ZNF142: variants seen among roughly 807,000 people sequenced by gnomAD.
The protein encoded by ZNF142 is zinc finger protein 142.
A neutral mutation model predicts 132.1 loss-of-function variants in ZNF142; 96 were observed. The ratio of observed to expected loss-of-function variants is 0.73; its 90% confidence interval spans 0.62 to 0.86. ZNF142 has a LOEUF of 0.86. ZNF142 is among the 40% of genes least tolerant of loss of function. The pLI is 0.00. For missense variants in ZNF142, 2,163 were observed against 2,336.2 expected (o/e 0.93, Z 1.53); for synonymous variants, 842 against 890.1 (o/e 0.95, Z 0.96).
Position 218,646,346 on chromosome 2 carries a change from C to T in ZNF142, c.1876G>A (p.Glu626Lys). The change falls in exon 8 of 11, where the codon GAG (glutamate) becomes AAG (lysine). Residue 626 changes from glutamate (E) to lysine (K), a missense_variant and splice_region_variant. Physicochemically the swap from Glu to Lys is moderately conservative, Grantham distance 56 (BLOSUM62 1). Around this residue, in one of 7 missense-constraint regions of ZNF142, gnomAD observed 749 missense variants for 830.3 expected, o/e 0.90. Coordinates refer to ENST00000411696, the MANE Select transcript of ZNF142 (RefSeq NM_001379659.1). ...LIRHMLLHTGEKPHKCELCDF... is the reference protein window; with the variant it reads ...LIRHMLLHTGKKPHKCELCDF... ...CACAGCTCACACTTGTGGGGCTTCT[C>T]ACCTTATATGGGGGATGCGGATGAA... is the stretch of plus-strand genomic sequence containing the variant. 1.2e-6 allele frequency: 2 copies of T among 1,614,056 alleles called. No homozygotes were observed. The highest frequency in any genetic ancestry group is 1.7e-6 in the Non-Finnish European group (2 of 1,179,968).
chr2:218,656,256 G>C lies in ZNF142; in HGVS notation c.174C>G (p.Cys58Trp), dbSNP rs778196863. The C allele has an allele frequency of 6.2e-7, 1 of 1,613,594 alleles. No individual in the cohort carries two copies. The highest frequency in any genetic ancestry group is 1.7e-5 in the Admixed American group (1 of 59,966). ...CAGTTGCTGTGGCCTCTACCAGCAG[G>C]CAGCCTGGCTCAGTAGGTATAGGTG... ...DPAPIPTEPG[C>W]LLVEATATEE... Residue 58 changes from cysteine to tryptophan, a missense_variant, in exon 4 of 11, where the codon TGC (cysteine) becomes TGG (tryptophan). By Grantham distance (215) the Cys-to-Trp change is radical. Around this residue, in one of 7 missense-constraint regions of ZNF142, gnomAD observed 195 missense variants for 172.4 expected, o/e 1.13. Transcript: ENST00000411696.
Position 218,645,068 on chromosome 2 carries a change from G to T in ZNF142, c.2052-4C>A, listed in dbSNP as rs1413025159. Reference sequence around the variant, plus strand: ...GGAGCACTGGTTGCACTGATACCTGGCAAGGAGGGAAAGGGGGAGGCAATC... The same window carrying T: ...GGAGCACTGGTTGCACTGATACCTGTCAAGGAGGGAAAGGGGGAGGCAATC... On this transcript the variant is annotated splice_region_variant and splice_polypyrimidine_tract_variant and intron_variant, in intron 8 of 10. Transcript: ENST00000411696. The T allele has an allele frequency of 3.1e-6, 5 of 1,603,796 alleles. No individual in the cohort carries two copies. Among genetic ancestry groups the T allele is most frequent in the Non-Finnish European group, 4.3e-6 (5 of 1,172,492 alleles).
rs1303033212 is a variant in ZNF142, at chr2:218,649,197, G to A, written c.1311C>T (p.His437=). The stretch of plus-strand genomic sequence containing the variant: ...AAATATCTTCATGCATGCTGGCCAT[G>A]TGGCGGTTGAGTGCATTCCTCTCCA... ...SAVERNALNR[H]MASMHEDISN... The change falls in exon 7 of 11, where the codon CAC becomes CAT. Residue 437 remains histidine (H), a synonymous_variant. Transcript: ENST00000411696. 5 of 1,614,128 alleles carry A rather than the reference G, an allele frequency of 3.1e-6. No individual in the cohort carries two copies. Among genetic ancestry groups the A allele is most frequent in the Non-Finnish European group, 3.4e-6 (4 of 1,180,056 alleles).
chr2:218,649,538 T>G (rs1937787234), intron 6 of ZNF142, 79 bp from the exon 7 acceptor site: 1 of 1,348,172 alleles, frequency 7.4e-7, no homozygotes, highest in African/African-American at 1.5e-5. Flanking sequence ...CACAATTTGC[T>G]CAGACACAAA....
In ZNF142 at chr2:218,634,258, G is replaced by C. The variant is rs1696577611; in HGVS notation, c.*4081C>G. On this transcript the variant is annotated 3_prime_UTR_variant, in exon 11 of 11. Transcript: ENST00000411696. This position sits in a 1 kb window ranked among gnomAD's most constrained non-coding sequence, Gnocchi z 4.0. ...GCAGGGACTGGGAAGAGGGAGTGGA[G>C]GAGCAGCAGGTGGGAAATAAGTTCT... The C allele has an allele frequency of 7.6e-6, 12 of 1,587,982 alleles. No homozygotes were observed. The East Asian group carries it at 2.3e-4, about 30-fold the overall frequency.
In ZNF142 at chr2:218,643,982, G is replaced by C. The variant is rs1409989890; in HGVS notation, c.3134C>G (p.Thr1045Ser). 2 of 1,614,044 alleles carry C rather than the reference G, an allele frequency of 1.2e-6. No individual in the cohort carries two copies. The highest frequency in any genetic ancestry group is 1.7e-6 in the Non-Finnish European group (2 of 1,180,024). The change falls in exon 9 of 11, where the codon ACT (threonine) becomes AGT (serine). Residue 1045 changes from threonine to serine, a missense_variant. Transcript: ENST00000411696. ...CAGATTCAGGGCCTTCTCCCGGCGA[G>C]TGATAAAAGGGCAGTGTGGGCAGCG... The part of the protein sequence containing the change: ...AFRCPHCPFI[T>S]RREKALNLHS...
Position 218,636,209 on chromosome 2 carries a change from A to G in ZNF142, c.*2130T>C, listed in dbSNP as rs770921320. 1.3e-6 allele frequency: 2 copies of G among 1,594,976 alleles called. No homozygotes were observed. Among genetic ancestry groups the G allele is most frequent in the Non-Finnish European group, 1.7e-6 (2 of 1,162,802 alleles). On this transcript the variant is annotated 3_prime_UTR_variant, in exon 11 of 11. Transcript: ENST00000411696. ...CAACCCAGTCAAGAAAACTGTCATA[A>G]TGTCTTCTTATTTCTTTCTGTCCAC...
intron 10 of ZNF142, 85 bp downstream of exon 10, chr2:218,640,579 T>C (rs2106195298): frequency 8.0e-7 from 1 of 1,245,840 alleles, no homozygotes; most frequent in Non-Finnish European, 1.2e-6. Context: ...TGGCCCTGAA[T>C]TGGAACAAGG....
chr2:218,653,007 G>A (rs1001269890), intron 4 of ZNF142, among the ~76,000 whole-genome samples: 4 of 151,830 alleles, frequency 2.6e-5, no homozygotes, highest in African/African-American at 9.7e-5. Context: ...AGGGCCAGGT[G>A]CAGTGGCTCA....
At chr2:218,655,578 C>T (rs1490786804) in intron 4 of ZNF142, among the ~76,000 whole-genome samples, 3 of 152,138 alleles carry the variant, frequency 2.0e-5, no homozygotes, top group Non-Finnish European at 2.9e-5. Context: ...CAGCCTCTAA[C>T]TCCTGGGCTC....
intron 9 of ZNF142, 141 bp downstream of exon 9, chr2:218,641,887 T>G: frequency 9.0e-7 from 1 of 1,109,798 alleles, no homozygotes; most frequent in East Asian, 2.6e-5. Context: ...TTTTAACAGA[T>G]GAAGAATCTG....
In ZNF142 at chr2:218,642,343, C is replaced by T; in HGVS notation, c.4773G>A (p.Glu1591=). 6.2e-7 allele frequency: 1 copy of T among 1,613,594 alleles called. No homozygotes were observed. The highest frequency in any genetic ancestry group is 8.5e-7 in the Non-Finnish European group (1 of 1,180,028). ...GGTAGTGCTTTACCAGGCCCACCCG[C>T]TCCCGGGCAGCAAAGTCACAGAGCT... The part of the protein sequence containing the change: ...RCQLCDFAAR[E]RVGLVKHYLE... The change falls in exon 9 of 11, where the codon GAG becomes GAA. Residue 1591 remains glutamate, a synonymous_variant. Coordinates refer to ENST00000411696, the MANE Select transcript of ZNF142 (RefSeq NM_001379659.1). The surrounding 1 kb of genome is among the most constrained non-coding windows in gnomAD (Gnocchi z 4.6).
rs748586490 is a variant in ZNF142 at position 218,644,897 on chromosome 2, G to C, written c.2219C>G (p.Pro740Arg). 6.2e-7 allele frequency: 1 copy of C among 1,614,026 alleles called. No individual in the cohort carries two copies. Among genetic ancestry groups the C allele is most frequent in the Non-Finnish European group, 8.5e-7 (1 of 1,179,934 alleles). Residue 740 changes from proline (P) to arginine (R), a missense_variant, in exon 9 of 11, where the codon CCG (proline) becomes CGG (arginine). Coordinates refer to ENST00000411696, the MANE Select transcript of ZNF142 (RefSeq NM_001379659.1). The surrounding 1 kb of genome is among the most constrained non-coding windows in gnomAD (Gnocchi z 4.6). The part of the protein sequence containing the change: ...HMASQHHPGT[P>R]APLYPCHYCS... Reference sequence around the variant, plus strand: ...GTAGTGGCAAGGGTAGAGTGGGGCCGGTGTGCCAGGGTGGTGCTGGGAAGC... The same window carrying C: ...GTAGTGGCAAGGGTAGAGTGGGGCCCGTGTGCCAGGGTGGTGCTGGGAAGC...
rs532253664 is a variant in ZNF142, at chr2:218,647,161, C to T, written c.1874-813G>A. On this transcript the variant is annotated intron_variant, in intron 7 of 10. Coordinates refer to ENST00000411696, the MANE Select transcript of ZNF142 (RefSeq NM_001379659.1). ...CCTCTCGGCCGGGCATGGTGGCTCA[C>T]GCCTGTAATCCCAGCATTTTGGGAG... Among the ~76,000 whole-genome samples the T allele has an allele frequency of 6.6e-5, 10 of 152,048 alleles. No individual in the cohort carries two copies. The South Asian group carries it at 1.7e-3, about 25-fold the overall frequency.
intron 5 of ZNF142, 74 bp from the exon 6 acceptor site, chr2:218,650,600 C>G: frequency 1.4e-6 from 2 of 1,389,292 alleles, no homozygotes; most frequent in African/African-American, 2.9e-5. Context: ...TCTCTACCTA[C>G]TGGCTGAAAT....
At position 218,643,406 on chromosome 2, in the gene ZNF142, C is replaced by CG; in HGVS notation, c.3709dup (p.Arg1237ProfsTer11). ...CACGTGAGAGGTAATAGAGGAGAGCCGGGAACAAAGGAATGGGCAGGAGTT... is the reference window on the plus strand; with the variant it reads ...CACGTGAGAGGTAATAGAGGAGAGCCGGGGAACAAAGGAATGGGCAGGAGTT... On this transcript the variant is annotated frameshift_variant, in exon 9 of 11. Transcript: ENST00000411696. LOFTEE classifies it high-confidence loss of function. 6.2e-7 allele frequency: 1 copy of CG among 1,614,168 alleles called. No homozygotes were observed. Among genetic ancestry groups the CG allele is most frequent in the Non-Finnish European group, 8.5e-7 (1 of 1,180,024 alleles).
At chr2:218,645,789 G>T (rs181523309) in intron 8 of ZNF142, among the ~76,000 whole-genome samples, 25 of 152,242 alleles carry the variant, frequency 1.6e-4, no homozygotes, top group Admixed American at 6.5e-4. Flanking sequence ...TTGAAACAGA[G>T]TCTTACTCTG....
chr2:218,654,666 C>T (rs1938320076), intron 4 of ZNF142, among the ~76,000 whole-genome samples: 1 of 151,984 alleles, frequency 6.6e-6, no homozygotes, highest in South Asian at 2.1e-4. Context: ...TGCCCAGCCA[C>T]ATCTCTTATT....
In ZNF142 at chr2:218,634,583, C is replaced by A. The variant is rs982373162; in HGVS notation, c.*3756G>T. The A allele has an allele frequency of 1.9e-6, 3 of 1,613,932 alleles. No individual in the cohort carries two copies. In the African/African-American group the frequency reaches 4.0e-5, roughly 22 times the overall value. ...GCGTGATATCCAGAGTTCTTTCCAC[C>A]CTGAGAAGCCCATCAGCCCTTTCAA... On this transcript the variant is annotated 3_prime_UTR_variant, in exon 11 of 11. Coordinates refer to ENST00000411696, the MANE Select transcript of ZNF142 (RefSeq NM_001379659.1). This position sits in a 1 kb window ranked among gnomAD's most constrained non-coding sequence, Gnocchi z 4.0.
Sources: allele counts gnomAD v4.1 joint callset (sites outside exome capture counted in the v4.1 genomes callset), GRCh38; gene constraint gnomAD v4.1.1; regional missense constraint gnomAD v4.1.1; non-coding constraint Gnocchi (gnomAD v3.1); transcripts MANE v1.5; gene names NCBI Gene and HGNC (gene_info 2026-07-23, HGNC 2026-07-21).